LURAP1L: variants seen among roughly 807,000 people sequenced by gnomAD.
LURAP1L encodes the protein leucine rich adaptor protein 1-like.
In LURAP1L, 12 loss-of-function variants were observed where a neutral mutation model predicts 13.8. That is an observed-to-expected ratio of 0.87 (90% CI 0.56 to 1.41). The LOEUF is 1.41. LURAP1L is among the 40% of genes most tolerant of loss of function. The pLI is 0.00. For synonymous variants in LURAP1L, 139 were observed against 119.2 expected (o/e 1.17, Z -1.08); for missense variants, 375 against 292.9 (o/e 1.28, Z -2.04).
chr9:12,797,792 T>C (rs1473009647), intron 1 of LURAP1L, among the ~76,000 whole-genome samples: 2 of 152,134 alleles, frequency 1.3e-5, no homozygotes, highest in Non-Finnish European at 2.9e-5. Flanking sequence ...AGGGAAAACA[T>C]ATAATTTGAC....
rs1034913104 is a variant in LURAP1L at position 12,822,572 on chromosome 9, T to C, written c.*812T>C. ...TATGTATTTTGTGATTCTGATAGGA[T>C]GTATAAATACTTAGATGCATACAAG... On this transcript the variant is annotated 3_prime_UTR_variant, in exon 2 of 2. Coordinates refer to ENST00000319264, the MANE Select transcript of LURAP1L (RefSeq NM_203403.2). Among the ~76,000 whole-genome samples, 1 of 152,222 alleles carries C rather than the reference T, an allele frequency of 6.6e-6. No individual in the cohort carries two copies. Among genetic ancestry groups the C allele is most frequent in the Non-Finnish European group, 1.5e-5 (1 of 68,030 alleles).
rs1009668826 is a variant in LURAP1L at position 12,788,901 on chromosome 9, A to C, written c.312+12874A>C. On this transcript the variant is annotated intron_variant, in intron 1 of 1. Coordinates refer to ENST00000319264, the MANE Select transcript of LURAP1L (RefSeq NM_203403.2). ...ACAAAGCGAGACCCTATATCTATAT[A>C]TATATATATATTTTTAATAAGCTGA... 3.7e-4 allele frequency among the ~76,000 whole-genome samples: 56 copies of C among 150,554 alleles called. 1 individual carries two copies. Among genetic ancestry groups the C allele is most frequent in the Admixed American group, 1.1e-3 (17 of 15,106 alleles).
intron 1 of LURAP1L, among the ~76,000 whole-genome samples, chr9:12,778,897 G>A (rs1490365237): frequency 6.6e-6 from 1 of 152,182 alleles, no homozygotes; most frequent in African/African-American, 2.4e-5. Context: ...TATGTTCCAA[G>A]ACCTCCAATG....
At chr9:12,789,337 T>C (rs1819408202) in intron 1 of LURAP1L, among the ~76,000 whole-genome samples, 1 of 152,172 alleles carries the variant, frequency 6.6e-6, no homozygotes, top group Non-Finnish European at 1.5e-5. Context: ...TGATTAGTGG[T>C]TTATCTCTTT....
intron 1 of LURAP1L, among the ~76,000 whole-genome samples, chr9:12,803,444 C>G (rs1417953305): frequency 1.3e-5 from 2 of 152,320 alleles, no homozygotes; most frequent in East Asian, 3.9e-4. Context: ...GCTATTCCCA[C>G]TAAATGATAC....
At chr9:12,811,799 A>G (rs770814624) in intron 1 of LURAP1L, among the ~76,000 whole-genome samples, 2 of 152,276 alleles carry the variant, frequency 1.3e-5, no homozygotes. Flanking sequence ...ATTATCTCAC[A>G]GTTCTATATT....
intron 1 of LURAP1L, among the ~76,000 whole-genome samples, chr9:12,779,549 C>T (rs903749613): frequency 3.3e-5 from 5 of 152,118 alleles, no homozygotes; most frequent in African/African-American, 9.7e-5. Context: ...GGATTACAGG[C>T]GTGAGCCACC....
At chr9:12,814,621 A>C (rs766229681) in intron 1 of LURAP1L, among the ~76,000 whole-genome samples, 2 of 152,288 alleles carry the variant, frequency 1.3e-5, no homozygotes, top group South Asian at 4.1e-4. Context: ...AACTGTACAG[A>C]TCTCACGAGC....
chr9:12,788,133 G>A lies in LURAP1L; in HGVS notation c.312+12106G>A, dbSNP rs370909015. On this transcript the variant is annotated intron_variant, in intron 1 of 1. Transcript: ENST00000319264. ...AAGAAAGAAAGAATGAAGGAAGGAA[G>A]GAAAGAAAGAGAAAGAAGAAAGAAA... is the stretch of plus-strand genomic sequence containing the variant. Among the ~76,000 whole-genome samples the A allele has an allele frequency of 5.2e-3, 241 of 46,620 alleles. 1 individual carries two copies. The highest frequency in any genetic ancestry group is 0.025 in the African/African-American group (231 of 9,364). 30.6% of individuals were successfully genotyped at this position (46,620 alleles called of 152,430 possible). A position where few individuals can be genotyped will look rare whatever the true frequency, so the allele number is the denominator to read the frequency against.
chr9:12,795,372 A>G (rs1213844722), intron 1 of LURAP1L, among the ~76,000 whole-genome samples: 1 of 152,032 alleles, frequency 6.6e-6, no homozygotes, highest in Non-Finnish European at 1.5e-5. Flanking sequence ...AGAGGTCAGT[A>G]TTGGAGGAAT....
intron 1 of LURAP1L, among the ~76,000 whole-genome samples, chr9:12,779,266 CTTTTTTTTTTTT>C (rs71329885): frequency 1.2e-4 from 11 of 90,290 alleles, no homozygotes; most frequent in South Asian, 4.1e-4. Flanking sequence ...ATCTTATAAT[CTTTTTTTTTTTT>C]TTTTTTTTTT....
rs117924759 is a variant in LURAP1L, at chr9:12,777,682, T to C, written c.312+1655T>C. 5,004 of 677,688 alleles carry C rather than the reference T, an allele frequency of 7.4e-3. 19 individuals carry two copies. Among genetic ancestry groups the C allele is most frequent in the Middle Eastern group, 0.022 (29 of 1,326 alleles). 42.0% of individuals were successfully genotyped at this position (677,688 alleles called of 1,614,324 possible). ...GTATTTATATATAACTTGAAAACAG[T>C]AACATTTCCAAAAACCGATGAACCC... On this transcript the variant is annotated intron_variant, in intron 1 of 1. Transcript: ENST00000319264.
chr9:12,790,054 T>C (rs12375828), intron 1 of LURAP1L, among the ~76,000 whole-genome samples: 11,307 of 152,248 alleles, frequency 0.074, 508 homozygotes, highest in Admixed American at 0.1. Flanking sequence ...TAATGACTTA[T>C]GGTAAAGTAA....
At chr9:12,789,420 G>A (rs571318079) in intron 1 of LURAP1L, among the ~76,000 whole-genome samples, 1 of 152,192 alleles carries the variant, frequency 6.6e-6, no homozygotes, top group South Asian at 2.1e-4. Context: ...TTCATAGAAG[G>A]GTGAATGACA....
chr9:12,793,840 TCAAA>T (rs1328855455), intron 1 of LURAP1L, among the ~76,000 whole-genome samples: 2 of 152,028 alleles, frequency 1.3e-5, no homozygotes, highest in African/African-American at 2.4e-5. Context: ...ATGGAACTGC[TCAAA>T]CATTTTGATT....
At chr9:12,793,081 C>T (rs1397933408) in intron 1 of LURAP1L, among the ~76,000 whole-genome samples, 1 of 151,990 alleles carries the variant, frequency 6.6e-6, no homozygotes, top group African/African-American at 2.4e-5. Flanking sequence ...TGCTGATTAA[C>T]CCAGATTGCA....
chr9:12,788,138 G>GAA (rs1819384578), intron 1 of LURAP1L, among the ~76,000 whole-genome samples: 1 of 53,050 alleles, frequency 1.9e-5, no homozygotes, highest in Non-Finnish European at 3.6e-5. Flanking sequence ...AGGAAGGAAA[G>GAA]AAAGAGAAAG....
chr9:12,811,934 G>C (rs1586886502), intron 1 of LURAP1L, among the ~76,000 whole-genome samples: 1 of 152,130 alleles, frequency 6.6e-6, no homozygotes, highest in African/African-American at 2.4e-5. Flanking sequence ...CCACTTCCCA[G>C]CTCAATCACA....
chr9:12,802,507 A>G (rs1194368185), intron 1 of LURAP1L, among the ~76,000 whole-genome samples: 1 of 152,166 alleles, frequency 6.6e-6, no homozygotes, highest in Non-Finnish European at 1.5e-5. Flanking sequence ...TCCATGACAG[A>G]AAGTTTCCTG....
Sources: allele counts gnomAD v4.1 joint callset (sites outside exome capture counted in the v4.1 genomes callset), GRCh38; gene constraint gnomAD v4.1.1; transcripts MANE v1.5; gene names NCBI Gene and HGNC (gene_info 2026-07-23, HGNC 2026-07-21).